SCHIP1: variants seen among roughly 807,000 people sequenced by gnomAD.
SCHIP1 encodes schwannomin-interacting protein 1.
Under a neutral mutation model 29.7 loss-of-function variants are expected in SCHIP1, and 8 were observed. That is an observed-to-expected ratio of 0.27 (90% confidence interval 0.16 to 0.49). The LOEUF is 0.49. Among genes scored for constraint, SCHIP1 ranks in the 20% least tolerant of loss-of-function variants. The probability of loss-of-function intolerance (pLI) is 0.99; values close to 1 mark genes in which losing one functional copy is unlikely to be tolerated. For synonymous variants in SCHIP1, 76 were observed against 94.9 expected (o/e 0.80, Z 1.16); for missense variants, 193 against 294.6 (o/e 0.66, Z 2.52).
At chr3:159,651,015 A>G in the SCHIP1 span, among the ~76,000 whole-genome samples, 1 of 152,172 alleles carries the variant, frequency 6.6e-6, no homozygotes, top group Non-Finnish European at 1.5e-5. Flanking sequence ...TTTCTAATCT[A>G]TACAGTAAGA....
chr3:159,575,761 G>A, the SCHIP1 span, among the ~76,000 whole-genome samples: 1 of 152,026 alleles, frequency 6.6e-6, no homozygotes, highest in Non-Finnish European at 1.5e-5. Context: ...CCTTTAAAAT[G>A]TTTACTTTTA....
the SCHIP1 span, among the ~76,000 whole-genome samples, chr3:159,755,192 G>A: frequency 6.6e-6 from 1 of 152,256 alleles, no homozygotes; most frequent in Admixed American, 6.5e-5. Context: ...CCAACATCAC[G>A]CCACTGGACT....
chr3:159,407,467 G>A, the SCHIP1 span, among the ~76,000 whole-genome samples: 2 of 152,126 alleles, frequency 1.3e-5, no homozygotes, highest in Non-Finnish European at 2.9e-5. Flanking sequence ...TTCAGCATTG[G>A]ACAGATCATC....
the SCHIP1 span, among the ~76,000 whole-genome samples, chr3:159,744,760 G>A: frequency 6.6e-6 from 1 of 152,110 alleles, no homozygotes. Flanking sequence ...GGTGGATCAC[G>A]AGGTCAGGAG....
the SCHIP1 span, chr3:159,398,976 C>T: frequency 1.0e-6 from 1 of 981,302 alleles, no homozygotes; most frequent in Non-Finnish European, 1.2e-6. Flanking sequence ...GCCCAGTCTA[C>T]AGCCCAGCCC....
chr3:159,346,143 G>C, the SCHIP1 span, among the ~76,000 whole-genome samples: 1 of 150,906 alleles, frequency 6.6e-6, no homozygotes, highest in African/African-American at 2.4e-5. Flanking sequence ...TGTCAAGATG[G>C]TGCCACTGCA....
the SCHIP1 span, among the ~76,000 whole-genome samples, chr3:159,827,861 G>A: frequency 6.6e-6 from 1 of 150,670 alleles, no homozygotes; most frequent in Non-Finnish European, 1.5e-5. Context: ...TTTTTAAATA[G>A]TAACTCTGAT....
the SCHIP1 span, among the ~76,000 whole-genome samples, chr3:159,647,278 C>A: frequency 6.6e-6 from 1 of 152,018 alleles, no homozygotes; most frequent in African/African-American, 2.4e-5. Flanking sequence ...AAAAATACTT[C>A]CAAGGCCAAG....
At chr3:159,347,154 T>C in the SCHIP1 span, among the ~76,000 whole-genome samples, 6 of 152,190 alleles carry the variant, frequency 3.9e-5, no homozygotes, top group African/African-American at 1.4e-4. Flanking sequence ...CATTGTACCA[T>C]ACCATAGTAC....
chr3:159,579,340 G>A, the SCHIP1 span, among the ~76,000 whole-genome samples: 1 of 152,144 alleles, frequency 6.6e-6, no homozygotes, highest in Non-Finnish European at 1.5e-5. Context: ...GAATATAAAG[G>A]ATAAAGTCTG....
At chr3:159,590,007 A>G in the SCHIP1 span, among the ~76,000 whole-genome samples, 465 of 152,328 alleles carry the variant, frequency 3.1e-3, 1 homozygote, top group African/African-American at 9.3e-3. Context: ...ATTTTTTAAT[A>G]TATGTCCCAA....
At chr3:159,513,970 T>C in the SCHIP1 span, among the ~76,000 whole-genome samples, 6 of 152,278 alleles carry the variant, frequency 3.9e-5, 1 homozygote, top group African/African-American at 1.4e-4. Flanking sequence ...GACAATAGCA[T>C]CCTATAAAAA....
chr3:159,417,346 C>G, the SCHIP1 span, among the ~76,000 whole-genome samples: 1 of 152,154 alleles, frequency 6.6e-6, no homozygotes, highest in Non-Finnish European at 1.5e-5. Flanking sequence ...CACGCAATCA[C>G]TCGGGATCTC....
the SCHIP1 span, among the ~76,000 whole-genome samples, chr3:159,827,811 CAA>C: frequency 1.7e-4 from 13 of 75,458 alleles, no homozygotes; most frequent in Non-Finnish European, 1.5e-4. Flanking sequence ...GACTCCGTCT[CAA>C]AAAAAAAAAA....
the SCHIP1 span, among the ~76,000 whole-genome samples, chr3:159,447,078 A>G: frequency 1.4e-3 from 219 of 152,288 alleles, no homozygotes; most frequent in African/African-American, 4.5e-3. Context: ...ATCAGTATGC[A>G]TTTGACAATT....
At chr3:159,562,631 T>C in the SCHIP1 span, among the ~76,000 whole-genome samples, 193 of 152,118 alleles carry the variant, frequency 1.3e-3, no homozygotes, top group Non-Finnish European at 1.8e-3. Flanking sequence ...GCTACAAGAG[T>C]TAAGTAATGC....
the SCHIP1 span, among the ~76,000 whole-genome samples, chr3:159,491,951 C>T: frequency 6.6e-6 from 1 of 152,210 alleles, no homozygotes; most frequent in Admixed American, 6.5e-5. Flanking sequence ...TCAGTATTCG[C>T]TGTTCTGCAG....
the SCHIP1 span, among the ~76,000 whole-genome samples, chr3:159,368,728 GA>G: frequency 6.6e-6 from 1 of 152,128 alleles, no homozygotes; most frequent in African/African-American, 2.4e-5. Flanking sequence ...CATGGTGAGA[GA>G]TAGGGGTAGA....
At chr3:159,576,413 G>A in the SCHIP1 span, among the ~76,000 whole-genome samples, 1 of 151,846 alleles carries the variant, frequency 6.6e-6, no homozygotes, top group East Asian at 1.9e-4. Flanking sequence ...TTTCTCTGTG[G>A]CTGCTCTTTT....
Sources: allele counts gnomAD v4.1 joint callset (sites outside exome capture counted in the v4.1 genomes callset), GRCh38; gene constraint gnomAD v4.1.1; transcripts MANE v1.5; gene names NCBI Gene and HGNC (gene_info 2026-07-23, HGNC 2026-07-21).